PPP1R12B: variants seen among roughly 807,000 people sequenced by gnomAD.
The protein encoded by PPP1R12B is myosin phosphatase target subunit 2.
In PPP1R12B, 76 loss-of-function variants were observed where a neutral mutation model predicts 126.1. The ratio of observed to expected loss-of-function variants is 0.60; its 90% CI spans 0.50 to 0.73. The LOEUF is 0.73. Ranked by LOEUF, PPP1R12B falls within the 30% of genes least tolerant of loss-of-function variation. The pLI is 0.00. For synonymous variants in PPP1R12B, 356 were observed against 434.7 expected (o/e 0.82, Z 2.25); for missense variants, 1,052 against 1,205.1 (o/e 0.87, Z 1.88).
At chr1:202,507,907 GA>G (rs1246453122) in intron 18 of PPP1R12B, among the ~76,000 whole-genome samples, 1 of 152,216 alleles carries the variant, frequency 6.6e-6, no homozygotes, top group Non-Finnish European at 1.5e-5. Flanking sequence ...CTAGCCCCAT[GA>G]TTGAGGTAGA....
chr1:202,508,224 C>T lies in PPP1R12B; in HGVS notation c.2490+11402C>T, dbSNP rs758130755. 4.6e-5 allele frequency among the ~76,000 whole-genome samples: 7 copies of T among 152,186 alleles called. No individual in the cohort carries two copies. The highest frequency in any genetic ancestry group is 9.7e-5 in the African/African-American group (4 of 41,444). ...AGCCATTTAGTGACATGAATCTCTT[C>T]GTAGAGAAACCATAGTTTTGTAACC... On this transcript the variant is annotated intron_variant, in intron 18 of 23. Transcript: ENST00000608999. This position sits in a 1 kb window ranked among gnomAD's most constrained non-coding sequence, Gnocchi z 4.5.
chr1:202,407,144 G>C (rs1271260568), intron 1 of PPP1R12B, among the ~76,000 whole-genome samples: 2 of 152,178 alleles, frequency 1.3e-5, no homozygotes, highest in Non-Finnish European at 2.9e-5. Flanking sequence ...TGCAAAAGTT[G>C]CCAAGTTGTA....
rs112424611 is a variant in PPP1R12B at position 202,513,174 on chromosome 1, A to AGG, written c.2490+16352_2490+16353insGG. On this transcript the variant is annotated intron_variant, in intron 18 of 23. Transcript: ENST00000608999. ...TTTTTGGTAGAGATGGTGTTTCACC[A>AGG]TGTTGGCCAGGCTGATCTTGAACTC... Among the ~76,000 whole-genome samples the AGG allele has an allele frequency of 1.9e-3, 284 of 152,282 alleles. 2 individuals are homozygous for AGG. Among genetic ancestry groups the AGG allele is most frequent in the African/African-American group, 6.6e-3 (276 of 41,554 alleles).
chr1:202,574,752 C>A (rs951319834), intron 23 of PPP1R12B, among the ~76,000 whole-genome samples: 2 of 152,160 alleles, frequency 1.3e-5, no homozygotes, highest in African/African-American at 4.8e-5. Flanking sequence ...CAGTTATATT[C>A]ATATGGCATA....
chr1:202,550,869 G>A (rs1196799443), intron 18 of PPP1R12B, among the ~76,000 whole-genome samples: 1 of 152,178 alleles, frequency 6.6e-6, no homozygotes, highest in Non-Finnish European at 1.5e-5. Context: ...GTATTTTATG[G>A]AGGCCTTAGT....
intron 13 of PPP1R12B, among the ~76,000 whole-genome samples, chr1:202,455,486 CTTCTTT>C (rs987665794): frequency 9.9e-4 from 150 of 152,242 alleles, no homozygotes; most frequent in African/African-American, 3.5e-3. Context: ...TTGTGCCTGA[CTTCTTT>C]TACTTAATAT....
intron 2 of PPP1R12B, among the ~76,000 whole-genome samples, chr1:202,418,594 C>A (rs189950284): frequency 6.6e-6 from 1 of 152,064 alleles, no homozygotes; most frequent in East Asian, 1.9e-4. Context: ...TGAAATAAAT[C>A]TGTGAGAGCT....
At chr1:202,478,548 A>G (rs575838055) in intron 13 of PPP1R12B, among the ~76,000 whole-genome samples, 1 of 152,282 alleles carries the variant, frequency 6.6e-6, no homozygotes, top group East Asian at 1.9e-4. Context: ...ACTCTCATAT[A>G]TTGACACAGG....
chr1:202,394,231 T>G (rs973306960), intron 1 of PPP1R12B, among the ~76,000 whole-genome samples: 1 of 151,134 alleles, frequency 6.6e-6, no homozygotes, highest in African/African-American at 2.4e-5. Flanking sequence ...ACTGCTGAGA[T>G]CGCGCCAGCC....
At chr1:202,378,819 T>C (rs972702610) in intron 1 of PPP1R12B, among the ~76,000 whole-genome samples, 2 of 152,308 alleles carry the variant, frequency 1.3e-5, no homozygotes. Flanking sequence ...TTATAACGTT[T>C]TATCTACTTG....
intron 1 of PPP1R12B, among the ~76,000 whole-genome samples, chr1:202,378,767 C>T (rs980222295): frequency 1.3e-5 from 2 of 152,298 alleles, no homozygotes; most frequent in Admixed American, 6.5e-5. Flanking sequence ...CATGAGCCAT[C>T]GCGCCCGGCC....
rs750116945 is a variant in PPP1R12B at position 202,589,324 on chromosome 1, C to T, written c.*8764C>T. The T allele has an allele frequency of 2.6e-5, 4 of 152,188 alleles. No individual in the cohort carries two copies. The highest frequency in any genetic ancestry group is 6.5e-5 in the Admixed American group (1 of 15,280). The allele number at this position is 152,188 out of a possible 1,614,324, so 9.4% of individuals were successfully genotyped here. A position where few individuals can be genotyped will look rare whatever the true frequency, so the allele number is the denominator to read the frequency against. On this transcript the variant is annotated 3_prime_UTR_variant, in exon 24 of 24. Transcript: ENST00000608999. ...AGCAAGCCCTGCCTCTGGCTTTGCT[C>T]AGCCCTGTGTTTCCTGCCAAGCGGA...
intron 13 of PPP1R12B, among the ~76,000 whole-genome samples, chr1:202,465,114 A>G (rs545542153): frequency 3.9e-5 from 6 of 152,324 alleles, no homozygotes; most frequent in African/African-American, 9.6e-5. Flanking sequence ...ACTTTGTCAG[A>G]TAAGTAATAT....
At chr1:202,473,780 C>A (rs1676254729) in intron 13 of PPP1R12B, among the ~76,000 whole-genome samples, 1 of 152,236 alleles carries the variant, frequency 6.6e-6, no homozygotes, top group African/African-American at 2.4e-5. Context: ...TAGCAAATTG[C>A]AAGCTTTGCC....
Position 202,423,952 on chromosome 1 carries a change from C to T in PPP1R12B, c.541+1214C>T, listed in dbSNP as rs369349831. ...CACCAGCCTCGGCCTCCCAAAGTGCCGGGATTAAAGGTGTGAGCTATAGCG... is the reference window on the plus strand; with the variant it reads ...CACCAGCCTCGGCCTCCCAAAGTGCTGGGATTAAAGGTGTGAGCTATAGCG... On this transcript the variant is annotated intron_variant, in intron 3 of 23. Coordinates refer to ENST00000608999, the MANE Select transcript of PPP1R12B (RefSeq NM_002481.4). Among the ~76,000 whole-genome samples the T allele has an allele frequency of 6.7e-4, 102 of 152,104 alleles. 2 individuals carry two copies. The East Asian group carries it at 0.015, about 23-fold the overall frequency.
intron 13 of PPP1R12B, among the ~76,000 whole-genome samples, chr1:202,457,420 G>GC (rs1361716066): frequency 6.6e-6 from 1 of 152,064 alleles, no homozygotes; most frequent in Non-Finnish European, 1.5e-5. Flanking sequence ...GGGCATGGTG[G>GC]CACGTGCCTG....
chr1:202,426,969 G>A (rs1441059068), intron 4 of PPP1R12B, 71 bp from the exon 5 acceptor site: 1 of 1,554,384 alleles, frequency 6.4e-7, no homozygotes. Flanking sequence ...ATATCAATTA[G>A]GTAATAGTGT....
intron 18 of PPP1R12B, among the ~76,000 whole-genome samples, chr1:202,556,718 GCTCT>G (rs914748440): frequency 1.1e-4 from 16 of 152,250 alleles, no homozygotes; most frequent in African/African-American, 3.1e-4. Flanking sequence ...TGTTCACAGT[GCTCT>G]CCTGGTTCTG....
chr1:202,452,653 G>A (rs1421607978), intron 13 of PPP1R12B, among the ~76,000 whole-genome samples: 4 of 152,130 alleles, frequency 2.6e-5, no homozygotes, highest in African/African-American at 9.7e-5. Flanking sequence ...TTCACTGTTG[G>A]CAAATAAAAG....
Sources: allele counts gnomAD v4.1 joint callset (sites outside exome capture counted in the v4.1 genomes callset), GRCh38; gene constraint gnomAD v4.1.1; non-coding constraint Gnocchi (gnomAD v3.1); transcripts MANE v1.5; gene names NCBI Gene and HGNC (gene_info 2026-07-23, HGNC 2026-07-21).